GABRB2: variants seen among roughly 807,000 people sequenced by gnomAD.
GABRB2 encodes gamma-aminobutyric acid receptor subunit beta-2.
In GABRB2, 16 loss-of-function variants were observed where a neutral mutation model predicts 54.7. The observed-to-expected ratio is 0.29, with a 90% CI of 0.20 to 0.44. The LOEUF is 0.44. GABRB2 is among the 20% of genes least tolerant of loss of function. GABRB2 has a pLI of 1.00. For synonymous variants in GABRB2, 244 were observed against 233.8 expected (o/e 1.04, Z -0.40); for missense variants, 355 against 644.0 (o/e 0.55, Z 4.86).
rs571202646 is a variant in GABRB2, at chr5:161,518,282, C to G, written c.237+26945G>C. 2.6e-5 allele frequency among the ~76,000 whole-genome samples: 4 copies of G among 152,064 alleles called. No individual in the cohort carries two copies. In the East Asian group the frequency reaches 7.7e-4, roughly 29 times the overall value. ...GGAAAAGCAGTCATTTTTCAGAAAC[C>G]CTGAGCTAGAAAAATTCCAATGGCT... On this transcript the variant is annotated intron_variant, in intron 3 of 9. Transcript: ENST00000393959.
chr5:161,498,684 C>T (rs958681787), intron 3 of GABRB2, among the ~76,000 whole-genome samples: 1 of 152,014 alleles, frequency 6.6e-6, no homozygotes, highest in South Asian at 2.1e-4. Context: ...TCCCTCATGG[C>T]CTTTGGAACA....
intron 5 of GABRB2, among the ~76,000 whole-genome samples, chr5:161,407,958 T>G (rs1756394893): frequency 6.6e-6 from 1 of 152,040 alleles, no homozygotes; most frequent in Admixed American, 6.6e-5. Flanking sequence ...ATGAAGTCGG[T>G]GTAGTCCATA....
At chr5:161,349,277 G>A (rs951201555) in intron 5 of GABRB2, among the ~76,000 whole-genome samples, 4 of 151,268 alleles carry the variant, frequency 2.6e-5, no homozygotes, top group African/African-American at 4.9e-5. Flanking sequence ...AACAAACTAC[G>A]GGACCTATGA....
chr5:161,546,162 A>T (rs764761198), intron 2 of GABRB2, among the ~76,000 whole-genome samples, 160 bp downstream of exon 2: 10 of 152,218 alleles, frequency 6.6e-5, no homozygotes, highest in Non-Finnish European at 1.5e-4. Context: ...GGGTAGCAAT[A>T]ATCCAGCTTA....
intron 9 of GABRB2, among the ~76,000 whole-genome samples, chr5:161,320,013 A>G (rs575917267): frequency 8.4e-4 from 127 of 151,708 alleles, no homozygotes; most frequent in Middle Eastern, 6.8e-3. Flanking sequence ...GCTTTTAAAA[A>G]TTACTGCTTT....
chr5:161,420,550 A>C lies in GABRB2; in HGVS notation c.459-9493T>G, dbSNP rs866240184. 6.6e-5 allele frequency among the ~76,000 whole-genome samples: 10 copies of C among 152,112 alleles called. No homozygotes were observed. In the South Asian group the frequency reaches 2.1e-3, roughly 32 times the overall value. ...GGCTTGGAGGAGCGGGAGACCAGGG[A>C]AATTGTCTCCCTCTGCAAAACGTGT... On this transcript the variant is annotated intron_variant, in intron 4 of 9. Transcript: ENST00000393959.
chr5:161,370,645 T>C (rs965517268), intron 5 of GABRB2, among the ~76,000 whole-genome samples: 1 of 152,190 alleles, frequency 6.6e-6, no homozygotes, highest in South Asian at 2.1e-4. Context: ...CTCAGTGTCT[T>C]CCAGCAAGAG....
At chr5:161,298,937 C>T (rs749111543) in intron 9 of GABRB2, among the ~76,000 whole-genome samples, 22 of 152,050 alleles carry the variant, frequency 1.4e-4, no homozygotes, top group Non-Finnish European at 2.6e-4. Context: ...GGTGGCAGAG[C>T]AAGAAGGAGA....
intron 9 of GABRB2, among the ~76,000 whole-genome samples, chr5:161,298,716 AT>A: frequency 6.6e-6 from 1 of 152,204 alleles, no homozygotes; most frequent in Non-Finnish European, 1.5e-5. Context: ...GTAAACTGTT[AT>A]TTTCCATAGT....
intron 4 of GABRB2, among the ~76,000 whole-genome samples, chr5:161,412,525 G>A (rs1279938268): frequency 1.3e-5 from 2 of 152,010 alleles, no homozygotes; most frequent in East Asian, 1.9e-4. Context: ...CCACACAACC[G>A]TCAGATCTTT....
chr5:161,330,634 G>C lies in GABRB2; in HGVS notation c.1077+249C>G, dbSNP rs528696946. 5.2e-5 allele frequency: 25 copies of C among 484,346 alleles called. No individual in the cohort carries two copies. The East Asian group carries it at 7.1e-4, about 14-fold the overall frequency. The allele number at this position is 484,346 out of a possible 1,614,324, so 30.0% of individuals were successfully genotyped here. On this transcript the variant is annotated intron_variant, in intron 8 of 9. Transcript: ENST00000393959. ...TATAGGTACTATACTCAATATGTGA[G>C]AAAGCATCATAAAGGTCTTCTCATG...
At chr5:161,359,825 G>C (rs1336190654) in intron 5 of GABRB2, among the ~76,000 whole-genome samples, 1 of 152,146 alleles carries the variant, frequency 6.6e-6, no homozygotes, top group Non-Finnish European at 1.5e-5. Flanking sequence ...GCTCATGCTT[G>C]TAATCCCAGC....
intron 5 of GABRB2, among the ~76,000 whole-genome samples, chr5:161,354,363 T>C (rs1754556751): frequency 6.6e-6 from 1 of 152,042 alleles, no homozygotes; most frequent in Admixed American, 6.6e-5. Flanking sequence ...TTCTTAGATA[T>C]GGGGTATCCT....
chr5:161,334,685 G>T (rs527528243), intron 7 of GABRB2, 67 bp downstream of exon 7: 1 of 1,525,394 alleles, frequency 6.6e-7, no homozygotes, highest in Non-Finnish European at 9.0e-7. Flanking sequence ...TAAGGAAAAC[G>T]CGTGCATGCG....
intron 3 of GABRB2, 47 bp downstream of exon 3, chr5:161,545,180 C>G (rs368451934): frequency 2.0e-6 from 3 of 1,490,126 alleles, no homozygotes; most frequent in Non-Finnish European, 2.8e-6. Context: ...CCTTCCTGTC[C>G]CCAAACGAAA....
At chr5:161,362,080 G>T (rs1285098850) in intron 5 of GABRB2, among the ~76,000 whole-genome samples, 2 of 152,098 alleles carry the variant, frequency 1.3e-5, no homozygotes, top group Non-Finnish European at 2.9e-5. Flanking sequence ...AAGATCAGAT[G>T]ACTGTAGATG....
chr5:161,523,134 G>A (rs1030368920), intron 3 of GABRB2, among the ~76,000 whole-genome samples: 2 of 151,438 alleles, frequency 1.3e-5, no homozygotes, highest in Non-Finnish European at 3.0e-5. Context: ...AATAAATTAA[G>A]TAATTTGGAC....
intron 4 of GABRB2, among the ~76,000 whole-genome samples, chr5:161,426,586 C>T (rs1757004570): frequency 6.6e-6 from 1 of 151,850 alleles, no homozygotes; most frequent in South Asian, 2.1e-4. Context: ...GAAAAACATC[C>T]CCTTGTACCC....
In GABRB2 at chr5:161,331,130, G is replaced by GAAAAAAAAA; in HGVS notation, c.833-4_833-3insTTTTTTTTT. ...CATTGTGAGGACAGTTGTGATTCCT[G>GAAAAAAAAA]AAAAAAAATGGGAGAGTTAGAGTAA... On this transcript the variant is annotated splice_region_variant and splice_polypyrimidine_tract_variant and intron_variant, in intron 7 of 9. Coordinates refer to ENST00000393959, the MANE Select transcript of GABRB2 (RefSeq NM_001371727.1). 2 of 1,529,368 alleles carry GAAAAAAAAA rather than the reference G, an allele frequency of 1.3e-6. No homozygotes were observed. The highest frequency in any genetic ancestry group is 2.1e-5 in the Admixed American group (1 of 46,824). 94.7% of individuals were successfully genotyped at this position (1,529,368 alleles called of 1,614,324 possible).
Sources: allele counts gnomAD v4.1 joint callset (sites outside exome capture counted in the v4.1 genomes callset), GRCh38; gene constraint gnomAD v4.1.1; transcripts MANE v1.5; gene names NCBI Gene and HGNC (gene_info 2026-07-23, HGNC 2026-07-21).